Variants in NPIPB11 observed in about 807,000 individuals in gnomAD.
NPIPB11 encodes the protein nuclear pore complex-interacting protein family member B11.
A neutral mutation model predicts 32.8 loss-of-function variants in NPIPB11; 17 were observed. The ratio of observed to expected loss-of-function variants is 0.52; its 90% CI spans 0.35 to 0.78. NPIPB11 has a LOEUF of 0.78. Among genes scored for constraint, NPIPB11 ranks in the 30% least tolerant of loss-of-function variants. The probability of loss-of-function intolerance (pLI) is 0.01; values close to 1 mark genes in which losing one functional copy is unlikely to be tolerated. For synonymous variants in NPIPB11, 209 were observed against 398.4 expected (o/e 0.52, Z 5.66); for missense variants, 537 against 1,000.4 (o/e 0.54, Z 6.25).
chr16:29,398,879 G>A (rs921224710), intron 2 of NPIPB11, among the ~76,000 whole-genome samples: 14 of 151,838 alleles, frequency 9.2e-5, no homozygotes, highest in South Asian at 4.2e-4. Flanking sequence ...TTTAACATCC[G>A]AAACCGAGTG....
At chr16:29,390,428 A>G (rs1963688970) in intron 3 of NPIPB11, 80 bp from the exon 4 acceptor site, 2 of 1,593,900 alleles carry the variant, frequency 1.3e-6, no homozygotes, top group Non-Finnish European at 1.7e-6. Flanking sequence ...AAGCTGAGGC[A>G]GGTGGATCAC....
intron 2 of NPIPB11, among the ~76,000 whole-genome samples, chr16:29,402,724 C>CTCTGTGTGTGTGTGTGTG (rs1449821025): frequency 8.4e-6 from 1 of 119,634 alleles, no homozygotes; most frequent in Non-Finnish European, 1.7e-5. Context: ...CTCTCTCTCT[C>CTCTGTGTGTGTGTGTGTG]TGTGTGTGTG....
chr16:29,390,344 G>A (rs1363308190), exon 4 of NPIPB11: 1 of 939,474 alleles, frequency 1.1e-6, no homozygotes, highest in South Asian at 1.3e-5. Context: ...CTTCAGGAGA[G>A]ACACCTAGGA....
At chr16:29,394,709 G>A (rs1381027501) in intron 2 of NPIPB11, among the ~76,000 whole-genome samples, 1 of 151,846 alleles carries the variant, frequency 6.6e-6, no homozygotes, top group Admixed American at 6.6e-5. Context: ...TGGGATTACA[G>A]GTGTGAGCCA....
At chr16:29,383,135 T>A (rs1336261355) in exon 8 of NPIPB11, 2 of 1,591,732 alleles carry the variant, frequency 1.3e-6, no homozygotes, top group Non-Finnish European at 1.7e-6. Flanking sequence ...GAAGGTCTCT[T>A]GAGATTATCA....
chr16:29,393,883 G>GT, intron 3 of NPIPB11, 65 bp downstream of exon 3: 1 of 1,348,174 alleles, frequency 7.4e-7, no homozygotes, highest in Non-Finnish European at 1.0e-6. Flanking sequence ...AATGTGAATT[G>GT]TTTTATATAA....
At chr16:29,394,606 T>C (rs1963805931) in intron 2 of NPIPB11, among the ~76,000 whole-genome samples, 1 of 151,462 alleles carries the variant, frequency 6.6e-6, no homozygotes. Context: ...GACTCATTTT[T>C]GTATTTTTAG....
At chr16:29,390,729 T>A (rs377622043) in intron 3 of NPIPB11, among the ~76,000 whole-genome samples, 1 of 151,432 alleles carries the variant, frequency 6.6e-6, no homozygotes, top group Non-Finnish European at 1.5e-5. Context: ...TTTGGGAGGC[T>A]GAGGCAGGCG....
intron 2 of NPIPB11, among the ~76,000 whole-genome samples, chr16:29,402,030 A>G (rs913156912): frequency 1.3e-5 from 2 of 151,618 alleles, no homozygotes; most frequent in African/African-American, 4.9e-5. Context: ...TGGTGGTCAG[A>G]CACACGTAGG....
At chr16:29,383,013 A>G (rs781630787) in exon 8 of NPIPB11, 1 of 1,607,240 alleles carries the variant, frequency 6.2e-7, no homozygotes, top group Admixed American at 1.7e-5. Context: ...GTGTCTTGAG[A>G]TTATCATCCG....
intron 2 of NPIPB11, among the ~76,000 whole-genome samples, chr16:29,401,071 C>G (rs1963978416): frequency 6.6e-6 from 1 of 152,100 alleles, no homozygotes; most frequent in South Asian, 2.1e-4. Flanking sequence ...GAGGAAGAAT[C>G]AGGCCCCACG....
At chr16:29,397,731 G>C (rs565831889) in intron 2 of NPIPB11, 10 of 340,180 alleles carry the variant, frequency 2.9e-5, no homozygotes, top group Middle Eastern at 9.9e-4. Context: ...CGGGGACCGG[G>C]CCCGGATCTG....
chr16:29,394,039 G>A, exon 3 of NPIPB11: 2 of 1,599,416 alleles, frequency 1.3e-6, no homozygotes, highest in South Asian at 1.1e-5. Context: ...ACCAAAGTCA[G>A]TCCCACGATG....
chr16:29,392,310 G>A (rs1349404947), intron 3 of NPIPB11, among the ~76,000 whole-genome samples: 1 of 151,924 alleles, frequency 6.6e-6, no homozygotes, highest in Non-Finnish European at 1.5e-5. Context: ...GGAGGTAATG[G>A]TATAGATGAC....
intron 3 of NPIPB11, among the ~76,000 whole-genome samples, chr16:29,391,284 G>T (rs1440413674): frequency 1.4e-5 from 2 of 143,068 alleles, no homozygotes; most frequent in African/African-American, 2.6e-5. Flanking sequence ...AAAAAAAAAT[G>T]ACATGAATAT....
intron 2 of NPIPB11, among the ~76,000 whole-genome samples, chr16:29,402,366 T>C (rs1596684937): frequency 8.8e-6 from 1 of 113,370 alleles, no homozygotes; most frequent in East Asian, 2.7e-4. Flanking sequence ...CTATGCATAT[T>C]CTTTCATAGC....
chr16:29,399,261 C>G (rs529315150), intron 2 of NPIPB11, among the ~76,000 whole-genome samples: 4 of 152,096 alleles, frequency 2.6e-5, no homozygotes, highest in Middle Eastern at 3.4e-3. Flanking sequence ...AGGCCTCTGG[C>G]AGCTGAAAAC....
In NPIPB11 at chr16:29,389,668, GAAAAAAAAAAAAA is replaced by G. The variant is rs1160526743; in HGVS notation, c.545+260_545+272del. ...CAACAACAGCAAAGCTCCATCTCAG[GAAAAAAAAAAAAA>G]AAAAAAAAAAAAAAAAAGAGAAAGG... is the stretch of plus-strand genomic sequence containing the variant. On this transcript the variant is annotated intron_variant, in intron 5 of 7. Transcript: ENST00000524087. 2.5e-3 allele frequency among the ~76,000 whole-genome samples: 44 copies of G among 17,272 alleles called. 1 individual carries two copies. Among genetic ancestry groups the G allele is most frequent in the South Asian group, 9.4e-3 (3 of 320 alleles). The allele number at this position is 17,272 out of a possible 152,430, so 11.3% of individuals were successfully genotyped here. A position where few individuals can be genotyped will look rare whatever the true frequency, so the allele number is the denominator to read the frequency against.
chr16:29,397,162 CTCTG>C (rs762743201), intron 2 of NPIPB11, among the ~76,000 whole-genome samples: 2 of 111,786 alleles, frequency 1.8e-5, no homozygotes, highest in African/African-American at 3.5e-5. Context: ...CAGAGTGAGA[CTCTG>C]TCTAAAAAAA....
Sources: gnomAD v4.1 joint callset for allele counts (sites outside exome capture counted in the v4.1 genomes callset) on GRCh38, gnomAD v4.1.1 for gene constraint, MANE v1.5 for transcripts, NCBI Gene and HGNC (gene_info 2026-07-23, HGNC 2026-07-21) for gene names.